FARP1: variants seen among roughly 807,000 people sequenced by gnomAD.
FARP1 encodes FERM, ARH/RhoGEF and pleckstrin domain protein 1.
A neutral mutation model predicts 128.8 loss-of-function variants in FARP1; 52 were observed. The ratio of observed to expected loss-of-function variants is 0.40; its 90% CI spans 0.32 to 0.51. The LOEUF (loss-of-function observed/expected upper bound fraction) is 0.51. Ranked by LOEUF, FARP1 falls within the 20% of genes least tolerant of loss-of-function variation. The pLI is 0.45. For synonymous variants in FARP1, 580 were observed against 551.8 expected, an observed-to-expected ratio of 1.05 and a Z score of -0.72; for missense variants, 1,333 against 1,367.9, an observed-to-expected ratio of 0.97 and a Z score of 0.40.
chr13:98,272,360 A>T (rs1314912858), intron 2 of FARP1, among the ~76,000 whole-genome samples: 1 of 152,190 alleles, frequency 6.6e-6, no homozygotes, highest in Non-Finnish European at 1.5e-5. Flanking sequence ...ACCTCAAAAT[A>T]GCCCTTTTGC....
At position 98,344,022 on chromosome 13, in the gene FARP1, T is replaced by C. The variant is rs9584810; in HGVS notation, c.276+156T>C. Among the ~76,000 whole-genome samples the C allele has an allele frequency of 5.1e-3, 777 of 152,016 alleles. 10 individuals carry two copies. Among genetic ancestry groups the C allele is most frequent in the African/African-American group, 0.017 (715 of 41,300 alleles). Reference sequence around the variant, plus strand: ...ATCTGGTGTGTATTTGACACCTCAGTACCTCTTGGTTTAGACTAGCCATGT... The same window carrying C: ...ATCTGGTGTGTATTTGACACCTCAGCACCTCTTGGTTTAGACTAGCCATGT... On this transcript the variant is annotated intron_variant, in intron 3 of 26. Transcript: ENST00000319562.
At chr13:98,301,430 A>G (rs1885920360) in intron 2 of FARP1, among the ~76,000 whole-genome samples, 1 of 152,192 alleles carries the variant, frequency 6.6e-6, no homozygotes, top group African/African-American at 2.4e-5. Flanking sequence ...GCCTGAAGTC[A>G]AGCCTTCTGC....
chr13:98,167,442 C>T (rs981576726), intron 1 of FARP1, among the ~76,000 whole-genome samples: 11 of 144,328 alleles, frequency 7.6e-5, no homozygotes, highest in Non-Finnish European at 1.5e-4. Context: ...CTCACTCTCA[C>T]TCTGTCACCC....
chr13:98,234,056 G>A (rs1441444763), intron 2 of FARP1: 1 of 152,240 alleles, frequency 6.6e-6, no homozygotes, highest in African/African-American at 2.4e-5. Flanking sequence ...ACGCTTCTAA[G>A]CTTTCATTTT....
rs1479779198 is a variant in FARP1, at chr13:98,449,731, C to A, written c.*1414C>A. 6.6e-6 allele frequency: 1 copy of A among 152,324 alleles called. No homozygotes were observed. Among genetic ancestry groups the A allele is most frequent in the Non-Finnish European group, 1.5e-5 (1 of 68,008 alleles). 9.4% of individuals were successfully genotyped at this position (152,324 alleles called of 1,614,324 possible). On this transcript the variant is annotated 3_prime_UTR_variant, in exon 27 of 27. Coordinates refer to ENST00000319562, the MANE Select transcript of FARP1 (RefSeq NM_005766.4). ...TAACAAAGGGAATAAAAATACCTCA[C>A]GCCACAATCCAGCATATTGATGTTT... is the stretch of plus-strand genomic sequence containing the variant.
intron 13 of FARP1, chr13:98,399,119 C>T (rs929443921): frequency 6.6e-6 from 1 of 152,130 alleles, no homozygotes; most frequent in African/African-American, 2.4e-5. Context: ...GCTTCTTGGC[C>T]AGTATTCACA....
chr13:98,197,479 A>G (rs1879633563), intron 1 of FARP1, among the ~76,000 whole-genome samples: 1 of 152,026 alleles, frequency 6.6e-6, no homozygotes, highest in African/African-American at 2.4e-5. Flanking sequence ...AAAAAAGAAG[A>G]TGATGTTATT....
chr13:98,439,918 G>A, intron 21 of FARP1, 43 bp from the exon 22 acceptor site: 2 of 1,354,044 alleles, frequency 1.5e-6, no homozygotes, highest in Non-Finnish European at 2.0e-6. Flanking sequence ...GTTTGGAAGT[G>A]CATCACGTGC....
At chr13:98,352,561 G>A (rs965428560) in intron 3 of FARP1, among the ~76,000 whole-genome samples, 1 of 152,172 alleles carries the variant, frequency 6.6e-6, no homozygotes. Flanking sequence ...CAATAGACAA[G>A]GAAGCTCTGG....
chr13:98,227,207 G>T (rs1594294333), intron 2 of FARP1, among the ~76,000 whole-genome samples: 2 of 152,276 alleles, frequency 1.3e-5, no homozygotes, highest in South Asian at 2.1e-4. Context: ...CTCCCAAAGT[G>T]CTGGGATAGC....
In FARP1 at chr13:98,446,674, TC is replaced by T; in HGVS notation, c.2917del (p.Ala974ProfsTer50). On this transcript the variant is annotated frameshift_variant, in exon 26 of 27. Coordinates refer to ENST00000319562, the MANE Select transcript of FARP1 (RefSeq NM_005766.4). LOFTEE classifies it high-confidence loss of function. ...TTGTTTCCCCTTTCCAGGACAATCA[TC>T]CCCTTGCCAGCCTGCCTCTGCTCGG... Reference protein sequence around the residue: ...FFYKSHQDNHPLASLPLLGYS... With the variant: ...FFYKSHQDNHXLASLPLLGYS... 1 of 1,613,974 alleles carries T rather than the reference TC, an allele frequency of 6.2e-7. No individual in the cohort carries two copies.
chr13:98,423,111 T>C (rs1380186518), intron 16 of FARP1, among the ~76,000 whole-genome samples: 6 of 152,140 alleles, frequency 3.9e-5, no homozygotes, highest in African/African-American at 1.2e-4. Context: ...GTCTAGTCTT[T>C]CCATGTTCTT....
At chr13:98,406,183 A>C (rs762125225) in intron 13 of FARP1, 1 of 152,238 alleles carries the variant, frequency 6.6e-6, no homozygotes, top group Non-Finnish European at 1.5e-5. Context: ...TTAATTACTC[A>C]TCAAGCTGCC....
intron 1 of FARP1, among the ~76,000 whole-genome samples, chr13:98,192,929 C>T (rs972247780): frequency 1.3e-5 from 2 of 152,202 alleles, no homozygotes; most frequent in Admixed American, 1.3e-4. Context: ...ACCTAAGCCA[C>T]AAGTTGTATA....
At chr13:98,250,700 G>A (rs1265732929) in intron 2 of FARP1, among the ~76,000 whole-genome samples, 3 of 150,096 alleles carry the variant, frequency 2.0e-5, no homozygotes, top group East Asian at 2.0e-4. Context: ...TAGCCTGGGC[G>A]ACAGAGCAAG....
chr13:98,317,867 G>T (rs1269192737), intron 2 of FARP1, among the ~76,000 whole-genome samples: 1 of 151,940 alleles, frequency 6.6e-6, no homozygotes, highest in Non-Finnish European at 1.5e-5. Flanking sequence ...AAACTCTGGT[G>T]TCTCCTCCTC....
At position 98,453,127 on chromosome 13, in the gene FARP1, G is replaced by A. The variant is rs753906036; in HGVS notation, c.*4810G>A. Reference sequence around the variant, plus strand: ...TTGACTTTTAAAAAAGGAGGAGGATGAAGAAGGAAAAAAGGAAAAACAAAA... The same window carrying A: ...TTGACTTTTAAAAAAGGAGGAGGATAAAGAAGGAAAAAAGGAAAAACAAAA... On this transcript the variant is annotated 3_prime_UTR_variant, in exon 27 of 27. Transcript: ENST00000319562. The A allele has an allele frequency of 3.7e-6, 6 of 1,607,320 alleles. No individual in the cohort carries two copies. The East Asian group carries it at 1.3e-4, about 36-fold the overall frequency.
At chr13:98,227,889 A>G (rs1881888142) in intron 2 of FARP1, among the ~76,000 whole-genome samples, 1 of 152,246 alleles carries the variant, frequency 6.6e-6, no homozygotes, top group Non-Finnish European at 1.5e-5. Flanking sequence ...AAAATACTAT[A>G]TGATTCTACT....
At chr13:98,284,209 G>C (rs1403956128) in intron 2 of FARP1, among the ~76,000 whole-genome samples, 2 of 151,768 alleles carry the variant, frequency 1.3e-5, no homozygotes, top group Non-Finnish European at 2.9e-5. Flanking sequence ...ATCAGCTATT[G>C]TTAGTGTTAG....
Sources: allele counts gnomAD v4.1 joint callset (sites outside exome capture counted in the v4.1 genomes callset), GRCh38; gene constraint gnomAD v4.1.1; transcripts MANE v1.5; gene names NCBI Gene and HGNC (gene_info 2026-07-23, HGNC 2026-07-21).